Variants in FMN1 observed in about 807,000 individuals in gnomAD.
The protein encoded by FMN1 is formin-1.
FMN1 carries 110 observed loss-of-function variants against 132.4 expected under a neutral mutation model. That is an observed-to-expected ratio of 0.83 (90% CI 0.71 to 0.97). FMN1 has a LOEUF of 0.97. Ranked by LOEUF, FMN1 falls within the 50% of genes least tolerant of loss-of-function variation. The pLI is 0.00. For missense variants in FMN1, 1,792 were observed against 1,705.3 expected (o/e 1.05, Z -0.90); for synonymous variants, 722 against 651.7 (o/e 1.11, Z -1.64).
At position 33,193,893 on chromosome 15, in the gene FMN1, A is replaced by G. The variant is rs1213276333; in HGVS notation, c.-197+16T>C. On this transcript the variant is annotated intron_variant, in intron 2 of 20. Transcript: ENST00000616417. The stretch of plus-strand genomic sequence containing the variant: ...TGGTGGTGGGGGAGGGGGTTGGGGG[A>G]TCCGTCAGCACTTACATGCCTTTAG... 1 of 151,738 alleles carries G rather than the reference A, an allele frequency of 6.6e-6. No homozygotes were observed. Among genetic ancestry groups the G allele is most frequent in the African/African-American group, 2.4e-5 (1 of 41,228 alleles). The allele number at this position is 151,738 out of a possible 1,614,324, so 9.4% of individuals were successfully genotyped here.
At chr15:32,956,316 C>G (rs975797565) in intron 9 of FMN1, among the ~76,000 whole-genome samples, 3 of 151,726 alleles carry the variant, frequency 2.0e-5, no homozygotes, top group Non-Finnish European at 4.4e-5. Flanking sequence ...ATGCAGCATT[C>G]TGAAAGAATC....
chr15:33,067,065 G>T (rs144742694), intron 5 of FMN1: 3 of 1,613,996 alleles, frequency 1.9e-6, no homozygotes, highest in Non-Finnish European at 8.5e-7. Flanking sequence ...AAAAAAGCTG[G>T]AAGTTGGAAT....
At chr15:32,999,884 TGAA>T (rs1439038866) in intron 7 of FMN1, among the ~76,000 whole-genome samples, 1 of 152,148 alleles carries the variant, frequency 6.6e-6, no homozygotes, top group African/African-American at 2.4e-5. Context: ...CTTTCAAAAT[TGAA>T]GAAGTAGAGA....
At chr15:33,012,878 G>T in intron 6 of FMN1, 1 of 588,218 alleles carries the variant, frequency 1.7e-6, no homozygotes. Context: ...AGCAACACTG[G>T]AGGTGGTGGA....
chr15:33,008,156 A>T (rs1054843999), intron 6 of FMN1, 81 bp from the exon 7 acceptor site: 9 of 1,074,530 alleles, frequency 8.4e-6, no homozygotes, highest in Non-Finnish European at 1.1e-5. Context: ...CTTAGAAATA[A>T]ACTGACTAAA....
chr15:33,122,543 G>A (rs1484380704), intron 4 of FMN1, among the ~76,000 whole-genome samples: 1 of 152,144 alleles, frequency 6.6e-6, no homozygotes, highest in Admixed American at 6.5e-5. Context: ...AATGCAACAG[G>A]ATAAACAACC....
chr15:32,775,218 G>A (rs2056378104), intron 20 of FMN1, among the ~76,000 whole-genome samples: 1 of 152,124 alleles, frequency 6.6e-6, no homozygotes, highest in Non-Finnish European at 1.5e-5. Context: ...TTAAGTTGAT[G>A]ATTTTTCGAC....
At chr15:33,151,910 C>T (rs142042295) in intron 4 of FMN1, among the ~76,000 whole-genome samples, 116 of 152,304 alleles carry the variant, frequency 7.6e-4, no homozygotes, top group African/African-American at 2.4e-3. Flanking sequence ...GCATTTACCA[C>T]ATTTTTAAAG....
At chr15:33,040,179 G>C (rs1227524570) in intron 6 of FMN1, among the ~76,000 whole-genome samples, 5 of 152,154 alleles carry the variant, frequency 3.3e-5, no homozygotes, top group Non-Finnish European at 7.3e-5. Context: ...CTGCATGTTT[G>C]CTCTACCCTG....
intron 17 of FMN1, among the ~76,000 whole-genome samples, chr15:32,854,770 C>T (rs192799304): frequency 1.4e-4 from 21 of 151,978 alleles, no homozygotes; most frequent in East Asian, 3.9e-4. Flanking sequence ...AAAAATTGGC[C>T]GGGTGTGGTG....
intron 4 of FMN1, among the ~76,000 whole-genome samples, chr15:33,125,045 C>T (rs1962920249): frequency 6.6e-6 from 1 of 152,106 alleles, no homozygotes; most frequent in African/African-American, 2.4e-5. Flanking sequence ...TCATGGAATG[C>T]TTAAACAATT....
Position 33,067,565 on chromosome 15 carries a change from C to T in FMN1, c.2044-2491G>A, listed in dbSNP as rs1345664069. 1.2e-6 allele frequency: 2 copies of T among 1,614,000 alleles called. No homozygotes were observed. Among genetic ancestry groups the T allele is most frequent in the East Asian group, 2.2e-5 (1 of 44,886 alleles). ...AGATGTCCCTGCTTCTTTTCTCTGACTTCCCTCTGATTCTGTCTCCACGCT... is the reference window on the plus strand; with the variant it reads ...AGATGTCCCTGCTTCTTTTCTCTGATTTCCCTCTGATTCTGTCTCCACGCT... On this transcript the variant is annotated intron_variant, in intron 5 of 20. Coordinates refer to ENST00000616417, the MANE Select transcript of FMN1 (RefSeq NM_001277313.2).
intron 3 of FMN1, among the ~76,000 whole-genome samples, chr15:33,155,901 C>T (rs535524304): frequency 2.0e-5 from 3 of 152,340 alleles, no homozygotes; most frequent in South Asian, 4.1e-4. Context: ...CATCCCCACA[C>T]ACAAACTCTA....
chr15:33,112,140 C>T (rs2039731283), intron 4 of FMN1, among the ~76,000 whole-genome samples: 1 of 152,026 alleles, frequency 6.6e-6, no homozygotes, highest in African/African-American at 2.4e-5. Flanking sequence ...TTATTGGTTT[C>T]AACTTGGAAA....
intron 7 of FMN1, among the ~76,000 whole-genome samples, chr15:32,982,327 T>G (rs2032743101): frequency 1.3e-5 from 2 of 152,118 alleles, no homozygotes; most frequent in Admixed American, 1.3e-4. Context: ...GAATGGACAG[T>G]GGTACAGTCA....
intron 19 of FMN1, among the ~76,000 whole-genome samples, chr15:32,782,347 A>G (rs1235118275): frequency 6.6e-6 from 1 of 152,222 alleles, no homozygotes. Flanking sequence ...TGTTTAGTAA[A>G]TAGTTATAAA....
chr15:32,940,391 T>TTGTGTGTGTGTGTGTG (rs67121672), intron 9 of FMN1, among the ~76,000 whole-genome samples: 17 of 145,422 alleles, frequency 1.2e-4, no homozygotes, highest in African/African-American at 4.2e-4. Context: ...AAAATAAAAA[T>TTGTGTGTGTGTGTGTG]TGTGTGTGTG....
intron 15 of FMN1, among the ~76,000 whole-genome samples, chr15:32,891,590 G>A (rs1266697183): frequency 6.6e-6 from 1 of 152,108 alleles, no homozygotes; most frequent in African/African-American, 2.4e-5. Context: ...GATGGAGACT[G>A]CACTGAATTT....
intron 7 of FMN1, among the ~76,000 whole-genome samples, chr15:32,977,530 T>A (rs1446327720): frequency 6.6e-6 from 1 of 152,224 alleles, no homozygotes; most frequent in Non-Finnish European, 1.5e-5. Flanking sequence ...AATCATTAGT[T>A]ACTTGCTCTT....
Sources: gnomAD v4.1 joint callset for allele counts (sites outside exome capture counted in the v4.1 genomes callset) on GRCh38, gnomAD v4.1.1 for gene constraint, MANE v1.5 for transcripts, NCBI Gene and HGNC (gene_info 2026-07-23, HGNC 2026-07-21) for gene names.